The following KCNMA1 variants were observed in gnomAD, a reference collection of about 807,000 sequenced individuals.
KCNMA1 encodes the protein potassium calcium-activated channel subfamily M alpha 1.
KCNMA1 carries 29 observed loss-of-function variants against 140.0 expected under a neutral mutation model. The ratio of observed to expected loss-of-function variants is 0.21; its 90% CI spans 0.15 to 0.28. KCNMA1 has a LOEUF of 0.28. Among genes scored for constraint, KCNMA1 ranks in the 10% least tolerant of loss-of-function variants. The pLI, the probability that KCNMA1 is intolerant of heterozygous loss-of-function variation, is 1.00. For missense variants in KCNMA1, 880 were observed against 1,602.2 expected, an observed-to-expected ratio of 0.55 and a Z score of 7.70; for synonymous variants, 612 against 611.9, an observed-to-expected ratio of 1.00 and a Z score of 0.00.
At chr10:77,487,911 G>A (rs1431479547) in intron 1 of KCNMA1, among the ~76,000 whole-genome samples, 2 of 152,106 alleles carry the variant, frequency 1.3e-5, no homozygotes, top group Non-Finnish European at 2.9e-5. Context: ...GGTACTGTGC[G>A]TTTTAACAAG....
At chr10:76,920,020 G>GTGTGTATATATATATA (rs1177257916) in intron 23 of KCNMA1, among the ~76,000 whole-genome samples, 10 of 34,426 alleles carry the variant, frequency 2.9e-4, no homozygotes, top group East Asian at 1.3e-3. Flanking sequence ...GTGTGTGTGT[G>GTGTGTATATATATATA]TATATATATA....
At chr10:77,602,498 ACT>A (rs1433526453) in intron 1 of KCNMA1, among the ~76,000 whole-genome samples, 2 of 152,078 alleles carry the variant, frequency 1.3e-5, no homozygotes, top group African/African-American at 4.8e-5. Context: ...TGATTGCACA[ACT>A]CTCTGTATAT....
intron 2 of KCNMA1, among the ~76,000 whole-genome samples, chr10:77,302,806 G>A (rs569052662): frequency 2.4e-4 from 37 of 152,108 alleles, no homozygotes; most frequent in Non-Finnish European, 4.6e-4. Flanking sequence ...GGGAAGGGTG[G>A]GTATAGGTGA....
At chr10:77,227,710 G>A (rs557347253) in intron 3 of KCNMA1, among the ~76,000 whole-genome samples, 1 of 152,278 alleles carries the variant, frequency 6.6e-6, no homozygotes, top group African/African-American at 2.4e-5. Context: ...TAACGGTAAA[G>A]TTCTGGGATA....
chr10:77,148,189 G>C (rs888903121), intron 5 of KCNMA1: 2 of 152,152 alleles, frequency 1.3e-5, no homozygotes, highest in African/African-American at 4.8e-5. Context: ...TATGGCAAGA[G>C]AGAAACAACT....
At chr10:77,359,476 G>A (rs528434945) in intron 2 of KCNMA1, among the ~76,000 whole-genome samples, 31 of 152,232 alleles carry the variant, frequency 2.0e-4, no homozygotes, top group African/African-American at 5.3e-4. Context: ...CAACCAGAGC[G>A]GAGAGGTGCA....
intron 2 of KCNMA1, among the ~76,000 whole-genome samples, chr10:77,258,691 G>A (rs570331328): frequency 5.8e-4 from 88 of 152,258 alleles, no homozygotes; most frequent in African/African-American, 2.0e-3. Flanking sequence ...GGCCAGGTGC[G>A]GTGGCTCATG....
intron 12 of KCNMA1, 45 bp from the exon 13 acceptor site, chr10:77,079,595 T>C: frequency 7.6e-7 from 1 of 1,313,316 alleles, no homozygotes; most frequent in Non-Finnish European, 1.1e-6. Flanking sequence ...GCCTTATGCA[T>C]GGTGTCTGAC....
intron 1 of KCNMA1, among the ~76,000 whole-genome samples, chr10:77,592,590 C>T (rs2079541751): frequency 6.6e-6 from 1 of 152,162 alleles, no homozygotes; most frequent in African/African-American, 2.4e-5. Context: ...AGGTGAGGTG[C>T]AGTTGGCATC....
In KCNMA1 at chr10:77,147,013, G is replaced by A. The variant is rs201033560; in HGVS notation, c.809-25965C>T. Among the ~76,000 whole-genome samples, 9 of 152,330 alleles carry A rather than the reference G, an allele frequency of 5.9e-5. No homozygotes were observed. The East Asian group carries it at 1.7e-3, about 30-fold the overall frequency. On this transcript the variant is annotated intron_variant, in intron 5 of 27. Transcript: ENST00000286628. ...TGTGAAGCCACCTGGGCATGGCAGA[G>A]GGGGCCAGGCACAGAGGAGGGAGCA... is the stretch of plus-strand genomic sequence containing the variant.
At chr10:77,168,455 G>A (rs998462381) in intron 5 of KCNMA1, among the ~76,000 whole-genome samples, 1 of 152,108 alleles carries the variant, frequency 6.6e-6, no homozygotes, top group Non-Finnish European at 1.5e-5. Context: ...TAGGCTATAT[G>A]GTATAGCCTA....
At chr10:77,290,016 C>T (rs954457532) in intron 2 of KCNMA1, among the ~76,000 whole-genome samples, 1 of 152,180 alleles carries the variant, frequency 6.6e-6, no homozygotes, top group African/African-American at 2.4e-5. Context: ...AGATCCCTGG[C>T]TGCCAGGGGT....
At chr10:77,151,333 T>C (rs2098414840) in intron 5 of KCNMA1, among the ~76,000 whole-genome samples, 1 of 17,678 alleles carries the variant, frequency 5.7e-5, no homozygotes, top group South Asian at 3.4e-3. Context: ...TTCAAGTGAT[T>C]CCCGGGCCTC....
At chr10:77,372,228 C>T (rs2094782751) in intron 2 of KCNMA1, among the ~76,000 whole-genome samples, 2 of 152,200 alleles carry the variant, frequency 1.3e-5, no homozygotes. Context: ...CACCCAAACC[C>T]CCATCCTCCT....
intron 1 of KCNMA1, among the ~76,000 whole-genome samples, chr10:77,614,781 G>A (rs1250202613): frequency 6.6e-6 from 1 of 152,042 alleles, no homozygotes; most frequent in Non-Finnish European, 1.5e-5. Flanking sequence ...GAGCCCCCTT[G>A]TCCATCCCTC....
rs1165639964 is a variant in KCNMA1 at position 77,636,384 on chromosome 10, T to G, written c.378+881A>C. 5 of 1,535,094 alleles carry G rather than the reference T, an allele frequency of 3.3e-6. No individual in the cohort carries two copies. The African/African-American group carries it at 6.9e-5, about 21-fold the overall frequency. On this transcript the variant is annotated intron_variant, in intron 1 of 27. Coordinates refer to ENST00000286628, the MANE Select transcript of KCNMA1 (RefSeq NM_001161352.2). ...TGCCGGTGGGCGTCTGCACCAGGAATAGCTAAAGCCGACGACATCTAGCCA... is the reference window on the plus strand; with the variant it reads ...TGCCGGTGGGCGTCTGCACCAGGAAGAGCTAAAGCCGACGACATCTAGCCA...
At chr10:77,184,468 C>T (rs1158793062) in intron 4 of KCNMA1, among the ~76,000 whole-genome samples, 1 of 152,232 alleles carries the variant, frequency 6.6e-6, no homozygotes, top group African/African-American at 2.4e-5. Context: ...GATTCACCCG[C>T]CTCAGCCTCC....
At chr10:77,403,350 G>A (rs1333285193) in intron 2 of KCNMA1, among the ~76,000 whole-genome samples, 2 of 152,098 alleles carry the variant, frequency 1.3e-5, no homozygotes, top group African/African-American at 2.4e-5. Context: ...CCATCAGCAT[G>A]ACTGATTTCT....
chr10:77,434,395 A>G (rs2097213414), intron 1 of KCNMA1, among the ~76,000 whole-genome samples: 1 of 152,210 alleles, frequency 6.6e-6, no homozygotes, highest in Admixed American at 6.5e-5. Flanking sequence ...AGAACAGGGA[A>G]GATCGTGTTC....
Sources: gnomAD v4.1 joint callset for allele counts (sites outside exome capture counted in the v4.1 genomes callset) on GRCh38, gnomAD v4.1.1 for gene constraint, MANE v1.5 for transcripts, NCBI Gene and HGNC (gene_info 2026-07-23, HGNC 2026-07-21) for gene names.